The following CDH20 variants were observed in gnomAD, a reference collection of about 807,000 sequenced individuals.
CDH20 encodes the protein cadherin 20, also known as cadherin-20.
CDH20 carries 29 observed loss-of-function variants against 74.2 expected under a neutral mutation model. The observed-to-expected ratio is 0.39, with a 90% CI of 0.29 to 0.53. The LOEUF (loss-of-function observed/expected upper bound fraction) is 0.53. Ranked by LOEUF, CDH20 falls within the 20% of genes least tolerant of loss-of-function variation. CDH20 has a pLI of 0.69. For missense variants in CDH20, 988 were observed against 1,048.3 expected (o/e 0.94, Z 0.79); for synonymous variants, 469 against 405.4 (o/e 1.16, Z -1.88).
chr18:61,349,183 C>G (rs534447625), intron 1 of CDH20, among the ~76,000 whole-genome samples: 1 of 152,258 alleles, frequency 6.6e-6, no homozygotes, highest in African/African-American at 2.4e-5. Flanking sequence ...CAAAACTGTT[C>G]TGTGTGCCCT....
intron 6 of CDH20, among the ~76,000 whole-genome samples, chr18:61,518,431 A>C (rs981048461): frequency 2.0e-5 from 3 of 151,874 alleles, no homozygotes; most frequent in Middle Eastern, 6.8e-3. Flanking sequence ...ATCAGGCAGC[A>C]ATCTTTGCTG....
At chr18:61,378,903 T>A (rs1260167019) in intron 1 of CDH20, among the ~76,000 whole-genome samples, 1 of 152,124 alleles carries the variant, frequency 6.6e-6, no homozygotes, top group African/African-American at 2.4e-5. Context: ...CAGGGTTGTT[T>A]GCCAGGAATA....
intron 1 of CDH20, among the ~76,000 whole-genome samples, chr18:61,453,559 G>A (rs113624802): frequency 3.9e-5 from 6 of 152,164 alleles, no homozygotes; most frequent in Admixed American, 6.5e-5. Flanking sequence ...GATTACAGGC[G>A]TGAGCCACCA....
intron 6 of CDH20, among the ~76,000 whole-genome samples, 175 bp from the exon 7 acceptor site, chr18:61,527,792 C>A (rs979806273): frequency 2.0e-5 from 3 of 152,146 alleles, no homozygotes; most frequent in Admixed American, 2.0e-4. Flanking sequence ...GACATTAAGA[C>A]CAAGAACTAC....
chr18:61,541,852 G>A lies in CDH20; in HGVS notation c.1530+2707G>A, dbSNP rs188415302. The stretch of plus-strand genomic sequence containing the variant: ...ATAACATACTTGGTGATGGACAAGG[G>A]CGGAATGAAACCAGCTGAGCAGAAT... On this transcript the variant is annotated intron_variant, in intron 9 of 11. Transcript: ENST00000262717. Among the ~76,000 whole-genome samples, 15 of 152,298 alleles carry A rather than the reference G, an allele frequency of 9.8e-5. No individual in the cohort carries two copies. In the East Asian group the frequency reaches 2.9e-3, roughly 29 times the overall value.
intron 1 of CDH20, among the ~76,000 whole-genome samples, chr18:61,485,369 T>G (rs1910722482): frequency 6.6e-6 from 1 of 151,804 alleles, no homozygotes. Context: ...CAGGTGAGAG[T>G]TAGGTAGGGG....
At chr18:61,334,972 T>C (rs1206053162) in intron 1 of CDH20, among the ~76,000 whole-genome samples, 1 of 152,152 alleles carries the variant, frequency 6.6e-6, no homozygotes, top group Non-Finnish European at 1.5e-5. Context: ...CTCTGATGTG[T>C]GTCTTTCCAC....
chr18:61,419,810 T>C (rs984093945), intron 1 of CDH20, among the ~76,000 whole-genome samples: 7 of 152,218 alleles, frequency 4.6e-5, no homozygotes, highest in African/African-American at 1.7e-4. Context: ...ATGGTACAAG[T>C]GTACTTTGAC....
chr18:61,406,719 C>T (rs1481054185), intron 1 of CDH20, among the ~76,000 whole-genome samples: 2 of 152,196 alleles, frequency 1.3e-5, no homozygotes, highest in Middle Eastern at 3.4e-3. Flanking sequence ...GCTACTTAAA[C>T]GAAGAGGTGG....
chr18:61,343,223 C>T (rs1327996944), intron 1 of CDH20, among the ~76,000 whole-genome samples: 1 of 152,216 alleles, frequency 6.6e-6, no homozygotes, highest in East Asian at 1.9e-4. Flanking sequence ...ATGCTCTGCT[C>T]TGGGCTTCTA....
chr18:61,368,005 A>T (rs1018446667), intron 1 of CDH20, among the ~76,000 whole-genome samples: 5 of 151,984 alleles, frequency 3.3e-5, no homozygotes, highest in African/African-American at 7.2e-5. Flanking sequence ...CCTCATTTTA[A>T]CCTGATCACC....
intron 1 of CDH20, among the ~76,000 whole-genome samples, chr18:61,380,155 CAGGG>C (rs1911385868): frequency 6.6e-6 from 1 of 152,166 alleles, no homozygotes; most frequent in African/African-American, 2.4e-5. Context: ...AAGGGGGCTT[CAGGG>C]GAGGAAGGCC....
At chr18:61,477,880 G>A (rs1910447330) in intron 1 of CDH20, among the ~76,000 whole-genome samples, 1 of 152,002 alleles carries the variant, frequency 6.6e-6, no homozygotes, top group Non-Finnish European at 1.5e-5. Context: ...TTTATTATTT[G>A]TATTCTTAAG....
intron 1 of CDH20, among the ~76,000 whole-genome samples, chr18:61,377,265 A>G (rs945771019): frequency 1.3e-5 from 2 of 152,130 alleles, no homozygotes; most frequent in African/African-American, 4.8e-5. Flanking sequence ...TTTCATGACC[A>G]TATTTAGCCA....
rs572287561 is a variant in CDH20, at chr18:61,384,380, C to T, written c.-153+50553C>T. On this transcript the variant is annotated intron_variant, in intron 1 of 11. Transcript: ENST00000262717. ...AACACAGGCTTCAATATTTCAATCT[C>T]AATTTTTGGAATAAATCTTCTGAAG... 2.6e-5 allele frequency among the ~76,000 whole-genome samples: 4 copies of T among 152,256 alleles called. No homozygotes were observed. The South Asian group carries it at 8.3e-4, about 32-fold the overall frequency.
chr18:61,476,495 T>A (rs1395761661), intron 1 of CDH20, among the ~76,000 whole-genome samples: 1 of 152,184 alleles, frequency 6.6e-6, no homozygotes, highest in Non-Finnish European at 1.5e-5. Context: ...ACTGCTGTAT[T>A]AACTACATTT....
At position 61,554,762 on chromosome 18, in the gene CDH20, G is replaced by A; in HGVS notation, c.*67G>A. On this transcript the variant is annotated 3_prime_UTR_variant, in exon 12 of 12. Transcript: ENST00000262717. ...TCCGCGGGTGCTTCGCGGACAAGGT[G>A]CAGCCAACCACACGAGCAATACTGT... 1 of 1,476,446 alleles carries A rather than the reference G, an allele frequency of 6.8e-7. No homozygotes were observed. Among genetic ancestry groups the A allele is most frequent in the South Asian group, 1.3e-5 (1 of 74,400 alleles). The allele number at this position is 1,476,446 out of a possible 1,614,324, so 91.5% of individuals were successfully genotyped here.
At chr18:61,371,780 T>C (rs8092790) in intron 1 of CDH20, among the ~76,000 whole-genome samples, 2,803 of 148,112 alleles carry the variant, frequency 0.019, 93 homozygotes, top group African/African-American at 0.066. Context: ...ATTTTCCAAA[T>C]GGTCTTCCTT....
intron 2 of CDH20, among the ~76,000 whole-genome samples, chr18:61,491,395 A>G (rs1294537499): frequency 6.6e-6 from 1 of 152,076 alleles, no homozygotes; most frequent in Non-Finnish European, 1.5e-5. Flanking sequence ...TGGGGTGTTA[A>G]TTACAGACCA....
Sources: allele counts gnomAD v4.1 joint callset (sites outside exome capture counted in the v4.1 genomes callset), GRCh38; gene constraint gnomAD v4.1.1; transcripts MANE v1.5; gene names NCBI Gene and HGNC (gene_info 2026-07-23, HGNC 2026-07-21).